Variants in OSBPL9 observed in about 807,000 individuals in gnomAD.
OSBPL9 encodes oxysterol binding protein like 9, also known as oxysterol-binding protein-related protein 9.
A neutral mutation model predicts 106.6 loss-of-function variants in OSBPL9; 40 were observed. The observed-to-expected ratio is 0.38, with a 90% CI of 0.29 to 0.49. The LOEUF is 0.49. Among genes scored for constraint, OSBPL9 ranks in the 20% least tolerant of loss-of-function variants. The pLI is 0.97. For missense variants in OSBPL9, 609 were observed against 887.2 expected (o/e 0.69, Z 3.98); for synonymous variants, 269 against 295.4 (o/e 0.91, Z 0.92).
At chr1:51,560,807 A>T in the OSBPL9 span, 1 of 152,246 alleles carries the variant, frequency 6.6e-6, no homozygotes, top group African/African-American at 2.4e-5. Context: ...GGCTGGGGCA[A>T]TCACCCCTAA....
intron 2 of OSBPL9, among the ~76,000 whole-genome samples, chr1:51,667,788 A>G (rs576499595): frequency 4.6e-5 from 7 of 152,216 alleles, no homozygotes; most frequent in Admixed American, 2.6e-4. Context: ...CTGTCGTGGA[A>G]TAGCTAGGTT....
intron 2 of OSBPL9, among the ~76,000 whole-genome samples, chr1:51,658,759 C>T (rs1055950690): frequency 3.3e-5 from 5 of 151,430 alleles, no homozygotes; most frequent in Non-Finnish European, 5.9e-5. Context: ...TTTTTTTTCA[C>T]AATGCAATAA....
intron 2 of OSBPL9, among the ~76,000 whole-genome samples, chr1:51,665,606 A>C (rs971188168): frequency 3.9e-5 from 6 of 152,298 alleles, no homozygotes; most frequent in Admixed American, 2.0e-4. Context: ...TAATTCAACA[A>C]ATCAAGACAC....
intron 3 of OSBPL9, among the ~76,000 whole-genome samples, chr1:51,683,144 G>T (rs1241821530): frequency 6.6e-6 from 1 of 151,756 alleles, no homozygotes; most frequent in Non-Finnish European, 1.5e-5. Flanking sequence ...CAAAGTGCTG[G>T]GACTACAGGC....
At chr1:51,588,551 T>C (rs369179300) in intron 1 of OSBPL9, among the ~76,000 whole-genome samples, 2 of 152,180 alleles carry the variant, frequency 1.3e-5, no homozygotes, top group East Asian at 3.9e-4. Context: ...ACTCAGGGGC[T>C]GAAGTGGGAT....
intron 1 of OSBPL9, among the ~76,000 whole-genome samples, chr1:51,592,350 C>T (rs945289074): frequency 6.6e-6 from 1 of 152,076 alleles, no homozygotes; most frequent in Admixed American, 6.5e-5. Context: ...CTCCGGACCT[C>T]GTGATCTGCC....
intron 20 of OSBPL9, chr1:51,785,466 A>G: frequency 3.9e-6 from 1 of 253,738 alleles, no homozygotes; most frequent in South Asian, 6.2e-5. Context: ...AGCTCACCAC[A>G]GCACTTACCA....
the OSBPL9 span, among the ~76,000 whole-genome samples, chr1:51,549,105 C>A: frequency 6.6e-6 from 1 of 152,160 alleles, no homozygotes; most frequent in Admixed American, 6.5e-5. Flanking sequence ...GTTGTAAGGT[C>A]TAGAAACCAC....
the OSBPL9 span, among the ~76,000 whole-genome samples, chr1:51,527,308 T>C: frequency 2.5e-3 from 375 of 151,518 alleles, no homozygotes; most frequent in Admixed American, 4.9e-3. Flanking sequence ...GCTCAGCAAA[T>C]GGGGACTATC....
chr1:51,745,249 C>G, intron 4 of OSBPL9: 1 of 270,912 alleles, frequency 3.7e-6, no homozygotes, highest in South Asian at 5.5e-5. Context: ...GAGCCAATTA[C>G]AGGGTTTGGG....
the OSBPL9 span, among the ~76,000 whole-genome samples, chr1:51,530,579 C>A: frequency 6.6e-6 from 1 of 151,716 alleles, no homozygotes; most frequent in African/African-American, 2.4e-5. Flanking sequence ...ATATCAAGAC[C>A]GTCTCTTAAA....
chr1:51,569,222 A>G, the OSBPL9 span, among the ~76,000 whole-genome samples: 3 of 152,164 alleles, frequency 2.0e-5, no homozygotes, highest in South Asian at 2.1e-4. Flanking sequence ...GGCAGAGTAC[A>G]ATGCCTTATT....
At chr1:51,639,082 C>T (rs561263066) in intron 1 of OSBPL9, among the ~76,000 whole-genome samples, 56 of 152,208 alleles carry the variant, frequency 3.7e-4, no homozygotes, top group African/African-American at 1.3e-3. Flanking sequence ...AATTTTCTTC[C>T]AGTAAAAAAC....
intron 3 of OSBPL9, among the ~76,000 whole-genome samples, chr1:51,687,333 C>A (rs956469321): frequency 6.6e-6 from 1 of 152,142 alleles, no homozygotes; most frequent in African/African-American, 2.4e-5. Context: ...TCATTTAATT[C>A]TTTTAACAAC....
chr1:51,533,498 AAAAAGAAAGAAAG>A, the OSBPL9 span, among the ~76,000 whole-genome samples: 6 of 149,304 alleles, frequency 4.0e-5, no homozygotes, highest in Non-Finnish European at 8.9e-5. Context: ...AAAAAAAAAA[AAAAAGAAAGAAAG>A]AGAAAGAAAA....
chr1:51,527,131 G>A, the OSBPL9 span, among the ~76,000 whole-genome samples: 9 of 152,136 alleles, frequency 5.9e-5, no homozygotes, highest in Non-Finnish European at 1.2e-4. Flanking sequence ...AATCAAATTT[G>A]ACATTGAATC....
At chr1:51,737,485 C>T (rs192387307) in intron 4 of OSBPL9, among the ~76,000 whole-genome samples, 1 of 151,814 alleles carries the variant, frequency 6.6e-6, no homozygotes, top group East Asian at 1.9e-4. Flanking sequence ...TCCTCAGTCC[C>T]ATTCCCTAGG....
intron 1 of OSBPL9, among the ~76,000 whole-genome samples, chr1:51,589,791 T>C (rs1373966600): frequency 6.7e-6 from 1 of 149,240 alleles, no homozygotes; most frequent in African/African-American, 2.5e-5. Context: ...CCCAGCACTT[T>C]GGGAGGCCGA....
At chr1:51,715,304 G>C (rs1402094589) in intron 4 of OSBPL9, among the ~76,000 whole-genome samples, 4 of 152,202 alleles carry the variant, frequency 2.6e-5, no homozygotes, top group Non-Finnish European at 5.9e-5. Flanking sequence ...TACTCTGTGA[G>C]TTATGCCTTT....
Sources: allele counts gnomAD v4.1 joint callset (sites outside exome capture counted in the v4.1 genomes callset), GRCh38; gene constraint gnomAD v4.1.1; transcripts MANE v1.5; gene names NCBI Gene and HGNC (gene_info 2026-07-23, HGNC 2026-07-21).